Variants in SLC13A4 observed in about 807,000 individuals in gnomAD.
SLC13A4 encodes the protein solute carrier family 13 member 4.
Under a neutral mutation model 72.7 loss-of-function variants are expected in SLC13A4, and 28 were observed. The ratio of observed to expected loss-of-function variants is 0.39; its 90% CI spans 0.29 to 0.53. The LOEUF is 0.53. Among genes scored for constraint, SLC13A4 ranks in the 20% least tolerant of loss-of-function variants. SLC13A4 has a pLI of 0.78. For missense variants in SLC13A4, 653 were observed against 788.0 expected, an observed-to-expected ratio of 0.83 and a Z score of 2.05; for synonymous variants, 312 against 325.5, an observed-to-expected ratio of 0.96 and a Z score of 0.45.
rs1326973477 is a variant in SLC13A4 at position 135,691,597 on chromosome 7, GA to G, written c.1271del (p.Leu424ProfsTer74). ...GCTTCTTCGCTGGAATGAGGAAGAG[GA>G]GGAAGCCAAGGAAGACAGAGACTGT... ...DATVSVFLGFLLFLIPAKKPC... is the reference protein window; with the variant it reads ...DATVSVFLGFXLFLIPAKKPC... On this transcript the variant is annotated frameshift_variant, in exon 12 of 16. Transcript: ENST00000682651. LOFTEE classifies it high-confidence loss of function. The G allele has an allele frequency of 4.3e-6, 7 of 1,614,036 alleles. No individual in the cohort carries two copies.
chr7:135,693,813 C>T (rs1795844235), intron 10 of SLC13A4, among the ~76,000 whole-genome samples: 1 of 152,208 alleles, frequency 6.6e-6, no homozygotes, highest in South Asian at 2.1e-4. Context: ...GAGAGGTGGC[C>T]TGGCTTTGGA....
rs185924258 is a variant in SLC13A4, at chr7:135,710,717, G to T, written c.229-2467C>A. ...ATCAAAACCAAAATAAAGGCAGGCT[G>T]CTCCATCTCTCCTTTCTCTCTTTTG... On this transcript the variant is annotated intron_variant, in intron 2 of 15. Coordinates refer to ENST00000682651, the MANE Select transcript of SLC13A4 (RefSeq NM_001318192.2). 4.7e-3 allele frequency among the ~76,000 whole-genome samples: 713 copies of T among 152,290 alleles called. 5 individuals carry two copies. Among genetic ancestry groups the T allele is most frequent in the South Asian group, 0.026 (125 of 4,824 alleles).
At chr7:135,686,929 C>G (rs182476800) in intron 13 of SLC13A4, among the ~76,000 whole-genome samples, 1 of 151,976 alleles carries the variant, frequency 6.6e-6, no homozygotes, top group African/African-American at 2.4e-5. Context: ...TGGTGGCACG[C>G]GCCTGTAATC....
At position 135,684,067 on chromosome 7, in the gene SLC13A4, T is replaced by G; in HGVS notation, c.1746+57A>C. On this transcript the variant is annotated intron_variant, in intron 15 of 15. Transcript: ENST00000682651. Reference sequence around the variant, plus strand: ...AAGCTTTGAAAGAAGGCTGCAGAGCTGTCATCCCTGTCCTCATGGCAGCTG... The same window carrying G: ...AAGCTTTGAAAGAAGGCTGCAGAGCGGTCATCCCTGTCCTCATGGCAGCTG... 8 of 1,518,712 alleles carry G rather than the reference T, an allele frequency of 5.3e-6. No homozygotes were observed. In the South Asian group the frequency reaches 1.1e-4, roughly 20 times the overall value. 94.1% of individuals were successfully genotyped at this position (1,518,712 alleles called of 1,614,324 possible). A position where few individuals can be genotyped will look rare whatever the true frequency, so the allele number is the denominator to read the frequency against.
In SLC13A4 at chr7:135,681,418, G is replaced by A. The variant is rs574478503; in HGVS notation, c.*145C>T. On this transcript the variant is annotated 3_prime_UTR_variant, in exon 16 of 16. Coordinates refer to ENST00000682651, the MANE Select transcript of SLC13A4 (RefSeq NM_001318192.2). Reference sequence around the variant, plus strand: ...GGATTCCTGCAGTTCACTTGAGGTGGCGGAATCTTCTGGTGGAGGGATGCC... The same window carrying A: ...GGATTCCTGCAGTTCACTTGAGGTGACGGAATCTTCTGGTGGAGGGATGCC... The A allele has an allele frequency of 4.0e-4, 378 of 953,114 alleles. No homozygotes were observed. The Middle Eastern group carries it at 6.2e-3, about 16-fold the overall frequency. 59.0% of individuals were successfully genotyped at this position (953,114 alleles called of 1,614,324 possible).
rs138195911 is a variant in SLC13A4 at position 135,706,207 on chromosome 7, G to A, written c.459C>T (p.Ala153=). 106 of 1,613,988 alleles carry A rather than the reference G, an allele frequency of 6.6e-5. No homozygotes were observed. The highest frequency in any genetic ancestry group is 3.2e-4 in the African/African-American group (24 of 75,058). Residue 153 remains alanine (A), a synonymous_variant, in exon 4 of 16, where the codon GCC becomes GCT. Coordinates refer to ENST00000682651, the MANE Select transcript of SLC13A4 (RefSeq NM_001318192.2). ...CAGCACTGACCAGCTCCTGCAGCAC[G>A]GCCTCCACGATGGGCATCACCATGG... ...TTAMVMPIVE[A]VLQELVSAED...
chr7:135,709,454 C>T (rs1177527144), intron 2 of SLC13A4, among the ~76,000 whole-genome samples: 5 of 149,386 alleles, frequency 3.3e-5, no homozygotes, highest in African/African-American at 1.2e-4. Context: ...GGGTCTCACT[C>T]TGTCACCCAG....
chr7:135,720,592 A>T (rs1417818557), intron 2 of SLC13A4, among the ~76,000 whole-genome samples: 1 of 150,964 alleles, frequency 6.6e-6, no homozygotes, highest in African/African-American at 2.4e-5. Context: ...CAAAACAAAA[A>T]CCCTAAGCAG....
chr7:135,702,916 T>A, intron 5 of SLC13A4, 32 bp from the exon 6 acceptor site: 1 of 1,574,644 alleles, frequency 6.4e-7, no homozygotes, highest in Non-Finnish European at 8.7e-7. Context: ...AGGAGCCACG[T>A]CAGTGAGGCC....
intron 13 of SLC13A4, chr7:135,688,879 T>C (rs1024865350): frequency 6.6e-6 from 1 of 152,020 alleles, no homozygotes; most frequent in Non-Finnish European, 1.5e-5. Flanking sequence ...TTTGTTTTTG[T>C]TCTTGTTTTT....
At chr7:135,691,733 T>A (rs1795792126) in intron 11 of SLC13A4, 88 bp from the exon 12 acceptor site, 1 of 878,374 alleles carries the variant, frequency 1.1e-6, no homozygotes, top group Non-Finnish European at 1.8e-6. Context: ...CCGAACACAG[T>A]GCCTCTTTTT....
chr7:135,722,885 A>G (rs1796577651), intron 1 of SLC13A4, among the ~76,000 whole-genome samples: 1 of 152,124 alleles, frequency 6.6e-6, no homozygotes, highest in Non-Finnish European at 1.5e-5. Flanking sequence ...GATCCTGAGC[A>G]TGGAACTCTC....
chr7:135,691,725 G>A (rs1795791834), intron 11 of SLC13A4, 80 bp from the exon 12 acceptor site: 7 of 941,996 alleles, frequency 7.4e-6, no homozygotes, highest in African/African-American at 3.3e-5. Flanking sequence ...CAGTCTGTCC[G>A]AACACAGTGC....
chr7:135,701,305 C>G (rs539677511), intron 7 of SLC13A4, among the ~76,000 whole-genome samples: 1 of 152,322 alleles, frequency 6.6e-6, no homozygotes, highest in South Asian at 2.1e-4. Flanking sequence ...CATTTTGTTT[C>G]AGAGGAATCG....
intron 1 of SLC13A4, among the ~76,000 whole-genome samples, chr7:135,726,912 G>T (rs1400598294): frequency 6.6e-6 from 1 of 152,208 alleles, no homozygotes. Flanking sequence ...AGCCCACCAG[G>T]ACACGACCAC....
intron 4 of SLC13A4, 104 bp from the exon 5 acceptor site, chr7:135,705,754 A>T: frequency 1.1e-6 from 1 of 916,452 alleles, no homozygotes; most frequent in East Asian, 2.4e-5. Context: ...GGCCATATGG[A>T]GTGGGTGACA....
chr7:135,684,231 T>C lies in SLC13A4; in HGVS notation c.1639A>G (p.Thr547Ala), dbSNP rs771201660. 35 of 1,610,824 alleles carry C rather than the reference T, an allele frequency of 2.2e-5. No homozygotes were observed. The highest frequency in any genetic ancestry group is 2.7e-5 in the Non-Finnish European group (32 of 1,178,224). Residue 547 changes from threonine to alanine, a missense_variant, in exon 15 of 16, where the codon ACC becomes GCC. Transcript: ENST00000682651. Reference protein sequence around the residue: ...SETLHINPLYTLIPVTMCISF... With the variant: ...SETLHINPLYALIPVTMCISF... ...ATGCACATGGTGACTGGGATCAGGG[T>C]GTAGAGGGGGTTAATGTGCAGCGTT...
At chr7:135,687,489 T>C (rs1464114803) in intron 13 of SLC13A4, among the ~76,000 whole-genome samples, 2 of 152,254 alleles carry the variant, frequency 1.3e-5, no homozygotes, top group African/African-American at 2.4e-5. Context: ...GGCAAGCTCA[T>C]AGACAACTGA....
At chr7:135,710,228 A>G (rs1796269287) in intron 2 of SLC13A4, among the ~76,000 whole-genome samples, 1 of 152,208 alleles carries the variant, frequency 6.6e-6, no homozygotes, top group South Asian at 2.1e-4. Context: ...TGATCATACT[A>G]ATTTTGATTA....
Sources: gnomAD v4.1 joint callset for allele counts (sites outside exome capture counted in the v4.1 genomes callset) on GRCh38, gnomAD v4.1.1 for gene constraint, MANE v1.5 for transcripts, NCBI Gene and HGNC (gene_info 2026-07-23, HGNC 2026-07-21) for gene names.